Variants in MAST4 observed in about 807,000 individuals in gnomAD.
MAST4 encodes the protein microtubule associated serine/threonine kinase family member 4, also known as microtubule-associated serine/threonine-protein kinase 4.
In MAST4, 89 loss-of-function variants were observed where a neutral mutation model predicts 162.7. The ratio of observed to expected loss-of-function variants is 0.55; its 90% CI spans 0.46 to 0.65. The LOEUF is 0.65. Among genes scored for constraint, MAST4 ranks in the 30% least tolerant of loss-of-function variants. MAST4 has a pLI of 0.00. For synonymous variants in MAST4, 1,479 were observed against 1,361.1 expected, an observed-to-expected ratio of 1.09 and a Z score of -1.91; for missense variants, 3,153 against 3,374.0, an observed-to-expected ratio of 0.93 and a Z score of 1.62.
rs531582499 is a variant in MAST4, at chr5:67,040,838, GTC to G, written c.675-13564_675-13563del. 1.8e-4 allele frequency among the ~76,000 whole-genome samples: 27 copies of G among 152,320 alleles called. No individual in the cohort carries two copies. The East Asian group carries it at 2.9e-3, about 16-fold the overall frequency. On this transcript the variant is annotated intron_variant, in intron 4 of 28. Coordinates refer to ENST00000403625, the MANE Select transcript of MAST4 (RefSeq NM_001164664.2). Reference sequence around the variant, plus strand: ...GGTCTTATTCTCTGCTTTGTAGACAGTCTAGCAAGATTGTTAAAAACACAGGT... The same window carrying G: ...GGTCTTATTCTCTGCTTTGTAGACAGTAGCAAGATTGTTAAAAACACAGGT...
chr5:67,093,196 C>T (rs1176094197), intron 6 of MAST4, among the ~76,000 whole-genome samples: 2 of 151,986 alleles, frequency 1.3e-5, no homozygotes, highest in African/African-American at 4.8e-5. Flanking sequence ...TTTTGTGTCC[C>T]GTGTTCCCAT....
At chr5:66,766,642 C>A (rs188655923) in intron 2 of MAST4, among the ~76,000 whole-genome samples, 61 of 152,098 alleles carry the variant, frequency 4.0e-4, no homozygotes, top group African/African-American at 1.4e-3. Flanking sequence ...ATCCTAAAGA[C>A]CTCCTTAGCT....
intron 3 of MAST4, among the ~76,000 whole-genome samples, chr5:66,852,009 G>A (rs1003372137): frequency 4.1e-4 from 63 of 152,202 alleles, no homozygotes; most frequent in African/African-American, 1.4e-3. Flanking sequence ...TTTTAGTACT[G>A]GGTTCAATGT....
chr5:66,830,661 C>G (rs1016713058), intron 3 of MAST4, among the ~76,000 whole-genome samples: 5 of 152,098 alleles, frequency 3.3e-5, no homozygotes, highest in Non-Finnish European at 7.4e-5. Flanking sequence ...AATACAAAAC[C>G]TATTTTGCTT....
chr5:66,813,901 T>A (rs1261868720), intron 3 of MAST4, among the ~76,000 whole-genome samples: 1 of 152,218 alleles, frequency 6.6e-6, no homozygotes, highest in African/African-American at 2.4e-5. Context: ...TACATTGCTT[T>A]CAGAATTGTT....
At chr5:66,872,890 G>A (rs1253694518) in intron 3 of MAST4, among the ~76,000 whole-genome samples, 2 of 152,102 alleles carry the variant, frequency 1.3e-5, no homozygotes, top group African/African-American at 4.8e-5. Context: ...ATGTGCTTTT[G>A]TTCCCCCTCT....
At chr5:66,943,921 A>G (rs1003472955) in intron 4 of MAST4, among the ~76,000 whole-genome samples, 12 of 152,190 alleles carry the variant, frequency 7.9e-5, no homozygotes, top group African/African-American at 2.6e-4. Context: ...TGATGAGTCA[A>G]TTTCCATTTT....
chr5:67,061,804 TGAA>T (rs768632915), intron 5 of MAST4, among the ~76,000 whole-genome samples: 5 of 147,770 alleles, frequency 3.4e-5, no homozygotes, highest in Non-Finnish European at 7.4e-5. Flanking sequence ...TCCTAAGCAG[TGAA>T]GAAGTTCTTG....
At chr5:67,060,473 C>A (rs984017016) in intron 5 of MAST4, among the ~76,000 whole-genome samples, 11 of 127,298 alleles carry the variant, frequency 8.6e-5, no homozygotes, top group South Asian at 2.7e-4. Flanking sequence ...GGGAGTATCA[C>A]AATTTTTTTT....
At chr5:67,126,326 A>G (rs1392977614) in intron 14 of MAST4, among the ~76,000 whole-genome samples, 2 of 152,166 alleles carry the variant, frequency 1.3e-5, no homozygotes, top group African/African-American at 2.4e-5. Flanking sequence ...GCCCATGCCT[A>G]TGTCCTGAAT....
chr5:67,035,870 A>G (rs1482813059), intron 4 of MAST4, among the ~76,000 whole-genome samples: 1 of 152,156 alleles, frequency 6.6e-6, no homozygotes, highest in Admixed American at 6.6e-5. Flanking sequence ...TAGGGTACTT[A>G]TAACACCTAA....
In MAST4 at chr5:66,704,519, C is replaced by T. The variant is rs750767323; in HGVS notation, c.364-55190C>T. ...TTTTTTTTTTTTTTTTTTTTTGAGA[C>T]GGAGTCTCGCTCTGTCACCCAGGCT... On this transcript the variant is annotated intron_variant, in intron 1 of 28. Transcript: ENST00000403625. Among the ~76,000 whole-genome samples, 787 of 82,694 alleles carry T rather than the reference C, an allele frequency of 9.5e-3. 3 individuals carry two copies. Among genetic ancestry groups the T allele is most frequent in the Non-Finnish European group, 0.011 (512 of 44,734 alleles). 54.3% of individuals were successfully genotyped at this position (82,694 alleles called of 152,430 possible). A position where few individuals can be genotyped will look rare whatever the true frequency, so the allele number is the denominator to read the frequency against.
intron 3 of MAST4, among the ~76,000 whole-genome samples, chr5:66,815,422 C>A (rs1001235433): frequency 6.6e-6 from 1 of 151,956 alleles, no homozygotes; most frequent in African/African-American, 2.4e-5. Flanking sequence ...CTATTTTATT[C>A]TTGTTAATCT....
At chr5:66,708,271 C>G (rs1750269820) in intron 1 of MAST4, among the ~76,000 whole-genome samples, 1 of 152,098 alleles carries the variant, frequency 6.6e-6, no homozygotes, top group South Asian at 2.1e-4. Context: ...TACCTTGGGG[C>G]AAATTTAACT....
rs1431828120 is a variant in MAST4 at position 67,057,801 on chromosome 5, T to A, written c.763+3309T>A. The stretch of plus-strand genomic sequence containing the variant: ...GAAAAATGTTTGTGCCCATGACTGA[T>A]TGCCAGTTTACATGAAGAAATTGTG... On this transcript the variant is annotated intron_variant, in intron 5 of 28. Transcript: ENST00000403625. Among the ~76,000 whole-genome samples the A allele has an allele frequency of 4.6e-5, 7 of 152,158 alleles. No homozygotes were observed. In the East Asian group the frequency reaches 1.2e-3, roughly 25 times the overall value.
At chr5:66,730,485 G>C (rs1381219615) in intron 1 of MAST4, among the ~76,000 whole-genome samples, 3 of 151,888 alleles carry the variant, frequency 2.0e-5, no homozygotes, top group Non-Finnish European at 4.4e-5. Context: ...TAAATCTCCT[G>C]GTCAGGTAAT....
intron 4 of MAST4, chr5:66,986,459 T>A: frequency 6.4e-7 from 1 of 1,572,828 alleles, no homozygotes; most frequent in Non-Finnish European, 8.6e-7. Flanking sequence ...TGTGTCCAAA[T>A]GCTGGGAGAA....
At chr5:66,844,576 C>T (rs926943387) in intron 3 of MAST4, among the ~76,000 whole-genome samples, 3 of 152,040 alleles carry the variant, frequency 2.0e-5, no homozygotes, top group African/African-American at 7.2e-5. Context: ...TTGTGCCAGG[C>T]TGGTTAAACA....
At chr5:66,804,662 T>C (rs957122578) in intron 3 of MAST4, among the ~76,000 whole-genome samples, 4 of 152,216 alleles carry the variant, frequency 2.6e-5, no homozygotes, top group African/African-American at 4.8e-5. Flanking sequence ...GTGTATTTGC[T>C]AAACAATAAT....
Sources: gnomAD v4.1 joint callset for allele counts (sites outside exome capture counted in the v4.1 genomes callset) on GRCh38, gnomAD v4.1.1 for gene constraint, MANE v1.5 for transcripts, NCBI Gene and HGNC (gene_info 2026-07-23, HGNC 2026-07-21) for gene names.